The following KAZN variants were observed in gnomAD, a reference collection of about 807,000 sequenced individuals.
The protein encoded by KAZN is kazrin.
A neutral mutation model predicts 87.4 loss-of-function variants in KAZN; 40 were observed. That is an observed-to-expected ratio of 0.46 (90% CI 0.36 to 0.60). The LOEUF is 0.60. KAZN is among the 20% of genes least tolerant of loss of function. KAZN has a pLI of 0.00. For missense variants in KAZN, 898 were observed against 1,073.9 expected (o/e 0.84, Z 2.29); for synonymous variants, 466 against 458.3 (o/e 1.02, Z -0.22).
intron 2 of KAZN, among the ~76,000 whole-genome samples, chr1:14,257,011 C>T (rs1650570200): frequency 6.6e-6 from 1 of 152,162 alleles, no homozygotes; most frequent in African/African-American, 2.4e-5. Flanking sequence ...GACTGATCCT[C>T]TGCTCAGAGG....
chr1:14,820,882 A>T lies in KAZN; in HGVS notation c.227-139802A>T, dbSNP rs553585436. ...GGCCAGGAGAGAAGAGCCGAGGGGC[A>T]GGGTGAGCAAAAGGTGAATAAGGGC... On this transcript the variant is annotated intron_variant, in intron 1 of 14. Transcript: ENST00000376030. This position sits in a 1 kb window ranked among gnomAD's most constrained non-coding sequence, Gnocchi z 4.1. Among the ~76,000 whole-genome samples the T allele has an allele frequency of 6.6e-6, 1 of 152,264 alleles. No individual in the cohort carries two copies. The highest frequency in any genetic ancestry group is 1.9e-4 in the East Asian group (1 of 5,164).
chr1:15,007,084 C>A (rs4618962), intron 2 of KAZN, among the ~76,000 whole-genome samples: 64,257 of 139,328 alleles, frequency 0.46, 17,523 homozygotes, highest in African/African-American at 0.78. Context: ...AAAAGAAAAA[C>A]AGAAAATTCC....
At chr1:14,280,512 A>G (rs1445427869) in intron 2 of KAZN, among the ~76,000 whole-genome samples, 1 of 151,858 alleles carries the variant, frequency 6.6e-6, no homozygotes, top group East Asian at 1.9e-4. Flanking sequence ...GAATGAAGAG[A>G]TCAGGGTGAT....
intron 1 of KAZN, among the ~76,000 whole-genome samples, chr1:14,063,286 C>T (rs541591983): frequency 5.9e-5 from 9 of 152,204 alleles, no homozygotes; most frequent in African/African-American, 1.9e-4. Flanking sequence ...TGGTTGAGTA[C>T]CCACTGAACA....
At chr1:14,489,996 C>A (rs1312784308) in intron 2 of KAZN, among the ~76,000 whole-genome samples, 5 of 152,066 alleles carry the variant, frequency 3.3e-5, no homozygotes, top group Admixed American at 2.0e-4. Context: ...GTCTTTGTTA[C>A]CCATTGTCAA....
intron 1 of KAZN, among the ~76,000 whole-genome samples, chr1:13,998,609 A>T (rs1029339668): frequency 6.7e-6 from 1 of 148,210 alleles, no homozygotes; most frequent in African/African-American, 2.5e-5. Context: ...AAACCAAGAA[A>T]GATAAAAAAA....
intron 1 of KAZN, among the ~76,000 whole-genome samples, chr1:14,904,593 A>G (rs569318435): frequency 6.6e-5 from 10 of 152,308 alleles, no homozygotes; most frequent in African/African-American, 2.4e-4. Flanking sequence ...CGTGCGCCAC[A>G]TGTCAGATTC....
chr1:14,292,985 A>G (rs1170360575), intron 2 of KAZN, among the ~76,000 whole-genome samples: 1 of 152,230 alleles, frequency 6.6e-6, no homozygotes, highest in Non-Finnish European at 1.5e-5. Flanking sequence ...AGCACTGAGC[A>G]TGCTGGTGAA....
At chr1:14,595,551 C>T (rs545170498), upstream of KAZN, among the ~76,000 whole-genome samples, 12 of 151,648 alleles carry the variant, frequency 7.9e-5, no homozygotes, top group South Asian at 2.3e-3. Context: ...GTGTGGAGGC[C>T]TGCACCTGTA....
intron 2 of KAZN, among the ~76,000 whole-genome samples, chr1:14,402,535 A>T (rs924398036): frequency 1.1e-4 from 17 of 152,298 alleles, no homozygotes; most frequent in South Asian, 6.2e-4. Flanking sequence ...TGAATATCTA[A>T]ATGTCATAAA....
At chr1:14,499,210 A>C (rs1054752871) in intron 2 of KAZN, among the ~76,000 whole-genome samples, 5 of 152,112 alleles carry the variant, frequency 3.3e-5, no homozygotes, top group African/African-American at 1.2e-4. Context: ...AAGTCGTGTG[A>C]GTTCAGGCAA....
At chr1:14,812,905 C>T (rs1324848389) in intron 1 of KAZN, among the ~76,000 whole-genome samples, 2 of 152,178 alleles carry the variant, frequency 1.3e-5, no homozygotes, top group Non-Finnish European at 1.5e-5. Flanking sequence ...CTTGAAGAAA[C>T]TCATAGCCTT....
At chr1:14,356,711 G>A (rs911754320) in intron 2 of KAZN, among the ~76,000 whole-genome samples, 1 of 152,108 alleles carries the variant, frequency 6.6e-6, no homozygotes, top group African/African-American at 2.4e-5. Context: ...GTTTTTGTCA[G>A]GTTTGTCAAA....
intron 1 of KAZN, among the ~76,000 whole-genome samples, chr1:14,151,893 T>C (rs1645481676): frequency 1.3e-5 from 2 of 152,200 alleles, no homozygotes; most frequent in Non-Finnish European, 1.5e-5. Flanking sequence ...TGACATTATG[T>C]AATTACTTGT....
intron 1 of KAZN, among the ~76,000 whole-genome samples, chr1:13,950,344 G>A (rs1205834918): frequency 6.6e-6 from 1 of 152,196 alleles, no homozygotes; most frequent in East Asian, 1.9e-4. Flanking sequence ...ACTTCCAGCT[G>A]TCCTTTTGTA....
At position 14,769,214 on chromosome 1, in the gene KAZN, C is replaced by T. The variant is rs910951376; in HGVS notation, c.226+169991C>T. ...CAGTCCTTCACTCTGATAAGCTTGG[C>T]GTGCTAGTTTCCATGGACTTTTGCT... On this transcript the variant is annotated intron_variant, in intron 1 of 14. Coordinates refer to ENST00000376030, the MANE Select transcript of KAZN (RefSeq NM_201628.3). This position sits in a 1 kb window ranked among gnomAD's most constrained non-coding sequence, Gnocchi z 4.1. Among the ~76,000 whole-genome samples the T allele has an allele frequency of 2.6e-5, 4 of 152,144 alleles. No individual in the cohort carries two copies. The highest frequency in any genetic ancestry group is 1.9e-4 in the East Asian group (1 of 5,176).
rs1171115830 is a variant in KAZN, at chr1:14,293,095, G to A, written c.249+112503G>A. Among the ~76,000 whole-genome samples the A allele has an allele frequency of 3.9e-5, 6 of 152,334 alleles. No homozygotes were observed. In the South Asian group the frequency reaches 1.2e-3, roughly 32 times the overall value. Reference sequence around the variant, plus strand: ...TGTCTTCTTTAAGCCTCATGAAAATGTGGCAGCCTCATTTCCATTTTGCAA... The same window carrying A: ...TGTCTTCTTTAAGCCTCATGAAAATATGGCAGCCTCATTTCCATTTTGCAA... On this transcript the variant is annotated intron_variant, in intron 2 of 16. Transcript: ENST00000636203.
At chr1:14,123,907 C>A (rs374569319) in intron 1 of KAZN, among the ~76,000 whole-genome samples, 1 of 152,194 alleles carries the variant, frequency 6.6e-6, no homozygotes, top group Non-Finnish European at 1.5e-5. Flanking sequence ...TCTTCACCAG[C>A]TCCCAAGTGG....
At chr1:14,416,221 G>C (rs1664746318) in intron 2 of KAZN, among the ~76,000 whole-genome samples, 6 of 152,156 alleles carry the variant, frequency 3.9e-5, no homozygotes. Flanking sequence ...CTGATTATGT[G>C]TCACCTTACA....
Sources: allele counts gnomAD v4.1 joint callset (sites outside exome capture counted in the v4.1 genomes callset), GRCh38; gene constraint gnomAD v4.1.1; non-coding constraint Gnocchi (gnomAD v3.1); transcripts MANE v1.5; gene names NCBI Gene and HGNC (gene_info 2026-07-23, HGNC 2026-07-21).